The following CHRM3 variants were observed in gnomAD, a reference collection of about 807,000 sequenced individuals.
CHRM3 encodes the protein cholinergic receptor muscarinic 3, also known as muscarinic acetylcholine receptor M3.
Under a neutral mutation model 41.8 loss-of-function variants are expected in CHRM3, and 11 were observed. That is an observed-to-expected ratio of 0.26 (90% confidence interval 0.17 to 0.44). The LOEUF (loss-of-function observed/expected upper bound fraction) is 0.44. Ranked by LOEUF, CHRM3 falls within the 20% of genes least tolerant of loss-of-function variation. The pLI is 1.00. For synonymous variants in CHRM3, 297 were observed against 301.4 expected (o/e 0.99, Z 0.15); for missense variants, 571 against 745.4 (o/e 0.77, Z 2.72).
chr1:239,549,593 G>T (rs1287307390), intron 3 of CHRM3, among the ~76,000 whole-genome samples: 6 of 150,842 alleles, frequency 4.0e-5, no homozygotes, highest in African/African-American at 1.5e-4. Flanking sequence ...CCTGTGGGGT[G>T]GAGGTTGCAG....
At chr1:239,839,480 G>C (rs551334876) in intron 6 of CHRM3, among the ~76,000 whole-genome samples, 1 of 152,132 alleles carries the variant, frequency 6.6e-6, no homozygotes, top group Non-Finnish European at 1.5e-5. Flanking sequence ...TAGTAACTTC[G>C]AGTCATACAG....
rs1680530593 is a variant in CHRM3, at chr1:239,914,320, C to T, written c.*5096C>T. 6.0e-6 allele frequency: 1 copy of T among 166,998 alleles called. No individual in the cohort carries two copies. The highest frequency in any genetic ancestry group is 1.5e-5 in the Non-Finnish European group (1 of 68,112). 10.3% of individuals were successfully genotyped at this position (166,998 alleles called of 1,614,324 possible). On this transcript the variant is annotated 3_prime_UTR_variant, in exon 7 of 7. Transcript: ENST00000676153. Reference sequence around the variant, plus strand: ...CAGAATCTGGCAAATTGCATATATTCAATAAATGTTGAATATCTAATAACC... The same window carrying T: ...CAGAATCTGGCAAATTGCATATATTTAATAAATGTTGAATATCTAATAACC...
At chr1:239,391,881 A>G (rs551562078) in intron 1 of CHRM3, among the ~76,000 whole-genome samples, 1 of 152,334 alleles carries the variant, frequency 6.6e-6, no homozygotes, top group South Asian at 2.1e-4. Context: ...CCTGCTCTGC[A>G]TGGGACTCAG....
At chr1:239,541,708 T>A (rs183701114) in intron 2 of CHRM3, among the ~76,000 whole-genome samples, 51 of 152,200 alleles carry the variant, frequency 3.4e-4, no homozygotes, top group Middle Eastern at 6.8e-3. Context: ...AGACGGGGTT[T>A]CACCCTGTTG....
At chr1:239,667,019 G>T (rs142342053) in intron 4 of CHRM3, among the ~76,000 whole-genome samples, 1 of 152,102 alleles carries the variant, frequency 6.6e-6, no homozygotes, top group Non-Finnish European at 1.5e-5. Context: ...TTATGGCTGC[G>T]TGACACTCTT....
rs538585681 is a variant in CHRM3 at position 239,597,722 on chromosome 1, C to T, written c.-312-34502C>T. Among the ~76,000 whole-genome samples, 4 of 151,524 alleles carry T rather than the reference C, an allele frequency of 2.6e-5. No individual in the cohort carries two copies. The South Asian group carries it at 8.3e-4, about 32-fold the overall frequency. ...AAAATACAAATATGCTTTAGTAATTCTTAACTCTATTTTGTTTTTAAAAAG... is the reference window on the plus strand; with the variant it reads ...AAAATACAAATATGCTTTAGTAATTTTTAACTCTATTTTGTTTTTAAAAAG... On this transcript the variant is annotated intron_variant, in intron 3 of 6. Transcript: ENST00000676153.
intron 3 of CHRM3, among the ~76,000 whole-genome samples, chr1:239,552,372 CATAT>C (rs199845706): frequency 6.9e-6 from 1 of 144,706 alleles, no homozygotes; most frequent in Non-Finnish European, 1.5e-5. Flanking sequence ...TGATATGTAT[CATAT>C]ATATGTATAG....
chr1:239,642,359 G>T (rs1376827924), intron 4 of CHRM3, among the ~76,000 whole-genome samples: 7 of 152,004 alleles, frequency 4.6e-5, no homozygotes, highest in Non-Finnish European at 8.8e-5. Context: ...CCGGCAGAGT[G>T]TTTTCCAACT....
chr1:239,675,619 C>T (rs1571946391), intron 4 of CHRM3, among the ~76,000 whole-genome samples: 1 of 152,258 alleles, frequency 6.6e-6, no homozygotes, highest in Admixed American at 6.5e-5. Context: ...TGAAAGCAAT[C>T]ACTCTTCTTT....
chr1:239,526,426 C>T (rs1421532494), intron 2 of CHRM3, among the ~76,000 whole-genome samples: 1 of 152,198 alleles, frequency 6.6e-6, no homozygotes, highest in Non-Finnish European at 1.5e-5. Context: ...AATTCCACTT[C>T]ATCCCAGTGT....
At chr1:239,844,284 G>A (rs1023183019) in intron 6 of CHRM3, among the ~76,000 whole-genome samples, 1 of 152,108 alleles carries the variant, frequency 6.6e-6, no homozygotes, top group Non-Finnish European at 1.5e-5. Flanking sequence ...TAAATGGGAG[G>A]TTCTATATGT....
chr1:239,597,841 A>C (rs945499674), intron 3 of CHRM3, among the ~76,000 whole-genome samples: 1 of 146,388 alleles, frequency 6.8e-6, no homozygotes, highest in African/African-American at 2.5e-5. Flanking sequence ...AGGTGGTCAA[A>C]AAAAAAAACT....
At chr1:239,627,893 C>T (rs1197022920) in intron 3 of CHRM3, among the ~76,000 whole-genome samples, 2 of 150,688 alleles carry the variant, frequency 1.3e-5, no homozygotes, top group Non-Finnish European at 2.9e-5. Flanking sequence ...GATGGGCTTT[C>T]CTTTGAGGGT....
intron 6 of CHRM3, among the ~76,000 whole-genome samples, chr1:239,855,164 G>GA (rs1675005057): frequency 6.6e-6 from 1 of 152,124 alleles, no homozygotes; most frequent in African/African-American, 2.4e-5. Flanking sequence ...GACTTCAACA[G>GA]AAATGATGAG....
chr1:239,845,055 C>T (rs1674151535), intron 6 of CHRM3, among the ~76,000 whole-genome samples: 2 of 152,166 alleles, frequency 1.3e-5, no homozygotes, highest in South Asian at 4.1e-4. Flanking sequence ...GCAGAGGTCA[C>T]AGATGGGCTG....
At chr1:239,666,534 T>G (rs996911925) in intron 4 of CHRM3, among the ~76,000 whole-genome samples, 1 of 152,092 alleles carries the variant, frequency 6.6e-6, no homozygotes, top group Admixed American at 6.5e-5. Flanking sequence ...TATCTCACAA[T>G]TATGTGTTCT....
At chr1:239,564,632 C>G (rs909911995) in intron 3 of CHRM3, among the ~76,000 whole-genome samples, 1 of 152,090 alleles carries the variant, frequency 6.6e-6, no homozygotes, top group Non-Finnish European at 1.5e-5. Context: ...TATATCTTAA[C>G]CACTGCAACC....
intron 5 of CHRM3, among the ~76,000 whole-genome samples, chr1:239,782,469 T>G (rs1445207363): frequency 6.6e-6 from 1 of 152,020 alleles, no homozygotes; most frequent in Non-Finnish European, 1.5e-5. Context: ...CTCTCTCGAT[T>G]ATGATTTAGT....
Position 239,678,287 on chromosome 1 carries a change from A to G in CHRM3, c.-148A>G, listed in dbSNP as rs572888294. 3.3e-5 allele frequency: 5 copies of G among 152,314 alleles called. No homozygotes were observed. The East Asian group carries it at 9.7e-4, about 29-fold the overall frequency. 9.4% of individuals were successfully genotyped at this position (152,314 alleles called of 1,614,324 possible). Reference sequence around the variant, plus strand: ...TTGGTTTGATGCTCCTACCTGGAACAGGTATGTAAATCTCCAGTACATGAT... The same window carrying G: ...TTGGTTTGATGCTCCTACCTGGAACGGGTATGTAAATCTCCAGTACATGAT... On this transcript the variant is annotated splice_region_variant and 5_prime_UTR_variant, in exon 5 of 7. Coordinates refer to ENST00000676153, the MANE Select transcript of CHRM3 (RefSeq NM_001375978.1).
Sources: gnomAD v4.1 joint callset for allele counts (sites outside exome capture counted in the v4.1 genomes callset) on GRCh38, gnomAD v4.1.1 for gene constraint, MANE v1.5 for transcripts, NCBI Gene and HGNC (gene_info 2026-07-23, HGNC 2026-07-21) for gene names.